Variants in SPG11 observed in about 807,000 individuals in gnomAD.
The protein encoded by SPG11 is SPG11 vesicle trafficking associated, spatacsin.
SPG11 carries 222 observed loss-of-function variants against 274.0 expected under a neutral mutation model. The ratio of observed to expected loss-of-function variants is 0.81; its 90% CI spans 0.73 to 0.91. SPG11 has a LOEUF of 0.91. SPG11 is among the 40% of genes least tolerant of loss of function. SPG11 has a pLI of 0.00. For synonymous variants in SPG11, 1,144 were observed against 1,039.7 expected (o/e 1.10, Z -1.93); for missense variants, 3,114 against 2,872.7 (o/e 1.08, Z -1.92).
intron 27 of SPG11, 33 bp from the exon 28 acceptor site, chr15:44,589,447 A>T (rs201749252): frequency 6.2e-7 from 1 of 1,613,654 alleles, no homozygotes; most frequent in Admixed American, 1.7e-5. Flanking sequence ...TAGGGAAAGC[A>T]GTTTCATGAG....
intron 2 of SPG11, among the ~76,000 whole-genome samples, chr15:44,659,933 C>T (rs916722742): frequency 3.3e-5 from 5 of 152,088 alleles, no homozygotes; most frequent in African/African-American, 1.2e-4. Context: ...TGGCGGCGGG[C>T]GCCTGTAGTC....
Position 44,562,853 on chromosome 15 carries a change from A to C in SPG11, c.*268T>G, listed in dbSNP as rs542265229. On this transcript the variant is annotated 3_prime_UTR_variant, in exon 40 of 40. Coordinates refer to ENST00000261866, the MANE Select transcript of SPG11 (RefSeq NM_025137.4). ...TCATTATTGGATCATCTAAAGTAGA[A>C]GCTGTCCTGAGGAAGAGGAAGCTTT... 9.8e-5 allele frequency: 41 copies of C among 420,296 alleles called. No homozygotes were observed. Among genetic ancestry groups the C allele is most frequent in the African/African-American group, 8.0e-4 (40 of 50,162 alleles). The allele number at this position is 420,296 out of a possible 1,614,324, so 26.0% of individuals were successfully genotyped here.
intron 6 of SPG11, 85 bp downstream of exon 6, chr15:44,651,406 G>C (rs971597056): frequency 1.7e-6 from 2 of 1,174,608 alleles, no homozygotes; most frequent in South Asian, 2.6e-5. Flanking sequence ...TTAAAGGCAA[G>C]AGCAGGCACT....
rs558571845 is a variant in SPG11, at chr15:44,607,875, G to A, written c.3453+569C>T. Reference sequence around the variant, plus strand: ...ATTCATTGAGAAGAGATAGTTAGAAGTTAAAAGTGGCAGAATAGAGAAGCT... The same window carrying A: ...ATTCATTGAGAAGAGATAGTTAGAAATTAAAAGTGGCAGAATAGAGAAGCT... On this transcript the variant is annotated intron_variant, in intron 19 of 39. Transcript: ENST00000261866. Among the ~76,000 whole-genome samples, 4 of 152,312 alleles carry A rather than the reference G, an allele frequency of 2.6e-5. No individual in the cohort carries two copies. The South Asian group carries it at 8.3e-4, about 32-fold the overall frequency.
Position 44,629,326 on chromosome 15 carries a change from C to G in SPG11, c.1798G>C (p.Glu600Gln), listed in dbSNP as rs370633849. Residue 600 changes from glutamate (E) to glutamine (Q), a missense_variant, in exon 9 of 40, where the codon GAA becomes CAA. Physicochemically the swap from Glu to Gln is conservative, Grantham distance 29. Transcript: ENST00000261866. The stretch of plus-strand genomic sequence containing the variant: ...TCTGAAAAGTGTTTGCTTTGGGGTT[C>G]AGAATAACTTTCTCTAATTGCCGAG... ...LCSAIRESYS[E>Q]PQSKHFSEQL... 6.2e-6 allele frequency: 10 copies of G among 1,613,974 alleles called. No homozygotes were observed. The highest frequency in any genetic ancestry group is 7.6e-6 in the Non-Finnish European group (9 of 1,180,010).
At chr15:44,586,133 C>T (rs569009100) in intron 28 of SPG11, among the ~76,000 whole-genome samples, 1 of 151,718 alleles carries the variant, frequency 6.6e-6, no homozygotes, top group Non-Finnish European at 1.5e-5. Context: ...TACAGGTGTA[C>T]ACCACCACAC....
intron 17 of SPG11, among the ~76,000 whole-genome samples, chr15:44,612,137 G>C (rs2083476060): frequency 6.6e-6 from 1 of 151,998 alleles, no homozygotes. Flanking sequence ...TAAGAATGTG[G>C]GAAAATTCTG....
chr15:44,652,567 G>T (rs1012544158), intron 4 of SPG11, among the ~76,000 whole-genome samples: 1 of 151,980 alleles, frequency 6.6e-6, no homozygotes, highest in Non-Finnish European at 1.5e-5. Flanking sequence ...AACCCTGTGA[G>T]GTAAATATAA....
intron 10 of SPG11, among the ~76,000 whole-genome samples, chr15:44,628,069 T>C (rs2083953982): frequency 1.3e-5 from 2 of 152,214 alleles, no homozygotes; most frequent in Admixed American, 6.5e-5. Flanking sequence ...AGCTTTTGTT[T>C]TTCCAATACC....
intron 20 of SPG11, among the ~76,000 whole-genome samples, chr15:44,601,940 T>C (rs1051427045): frequency 1.6e-4 from 24 of 152,226 alleles, no homozygotes; most frequent in African/African-American, 5.8e-4. Flanking sequence ...TTGACCTCTT[T>C]GATTAAATTT....
chr15:44,642,398 G>A (rs1440963186), intron 7 of SPG11, among the ~76,000 whole-genome samples: 10 of 139,098 alleles, frequency 7.2e-5, no homozygotes, highest in South Asian at 2.2e-4. Flanking sequence ...AAGAAAGAAA[G>A]GAAAGAAAAG....
Position 44,584,144 on chromosome 15 carries a change from A to G in SPG11, c.5536T>C (p.Leu1846=). The part of the protein sequence containing the change: ...SLASEFSFSK[L]AALNTSKYLE... Reference sequence around the variant, plus strand: ...TATTTTGATGTGTTCAGAGCAGCCAACTTGGAGAAGGAAAACTCACTGGCT... The same window carrying G: ...TATTTTGATGTGTTCAGAGCAGCCAGCTTGGAGAAGGAAAACTCACTGGCT... Residue 1846 remains leucine (L), a synonymous_variant, in exon 30 of 40, where the codon TTG becomes CTG. Coordinates refer to ENST00000261866, the MANE Select transcript of SPG11 (RefSeq NM_025137.4). 1.2e-6 allele frequency: 2 copies of G among 1,614,234 alleles called. No individual in the cohort carries two copies. Among genetic ancestry groups the G allele is most frequent in the African/African-American group, 1.3e-5 (1 of 75,062 alleles).
At chr15:44,608,976 C>T (rs1264840575) in intron 18 of SPG11, among the ~76,000 whole-genome samples, 1 of 152,088 alleles carries the variant, frequency 6.6e-6, no homozygotes, top group Non-Finnish European at 1.5e-5. Flanking sequence ...ACTTCTTACC[C>T]AACTCTAAAG....
intron 17 of SPG11, among the ~76,000 whole-genome samples, chr15:44,612,239 G>T (rs2083479110): frequency 1.3e-5 from 2 of 152,142 alleles, no homozygotes; most frequent in Non-Finnish European, 2.9e-5. Context: ...CACAAGGTAG[G>T]AGCTCAATAA....
chr15:44,590,870 A>G (rs2082883786), intron 27 of SPG11: 1 of 152,196 alleles, frequency 6.6e-6, no homozygotes, highest in Non-Finnish European at 1.5e-5. Context: ...TGAACACACC[A>G]TAAAAGTCAT....
chr15:44,637,842 T>G (rs1291601287), intron 7 of SPG11, among the ~76,000 whole-genome samples: 1 of 152,110 alleles, frequency 6.6e-6, no homozygotes, highest in African/African-American at 2.4e-5. Flanking sequence ...CAGCCCCAGG[T>G]AAGTCCTTCA....
chr15:44,662,132 A>G (rs2085127841), intron 1 of SPG11, among the ~76,000 whole-genome samples: 1 of 152,116 alleles, frequency 6.6e-6, no homozygotes, highest in Non-Finnish European at 1.5e-5. Flanking sequence ...TTTCCCCTAA[A>G]CTAGTTTATA....
intron 34 of SPG11, 131 bp downstream of exon 34, chr15:44,570,394 C>G: frequency 1.7e-6 from 2 of 1,174,836 alleles, no homozygotes; most frequent in Non-Finnish European, 2.4e-6. Flanking sequence ...CCAGCCAACT[C>G]TCAAGTAGGT....
intron 30 of SPG11, among the ~76,000 whole-genome samples, chr15:44,578,355 G>A (rs149839438): frequency 2.5e-3 from 383 of 152,038 alleles, no homozygotes; most frequent in Non-Finnish European, 4.0e-3. Context: ...TTCTGAGCAG[G>A]GGCGCTCTGG....
Sources: allele counts gnomAD v4.1 joint callset (sites outside exome capture counted in the v4.1 genomes callset), GRCh38; gene constraint gnomAD v4.1.1; transcripts MANE v1.5; gene names NCBI Gene and HGNC (gene_info 2026-07-23, HGNC 2026-07-21).